The following ARHGAP22 variants were observed in gnomAD, a reference collection of about 807,000 sequenced individuals.
The protein encoded by ARHGAP22 is Rho GTPase activating protein 22.
ARHGAP22 carries 48 observed loss-of-function variants against 59.1 expected under a neutral mutation model. The ratio of observed to expected loss-of-function variants is 0.81; its 90% CI spans 0.64 to 1.03. The LOEUF is 1.03. Among genes scored for constraint, ARHGAP22 ranks in the 50% least tolerant of loss-of-function variants. The probability of loss-of-function intolerance (pLI) is 0.00; values close to 1 mark genes in which losing one functional copy is unlikely to be tolerated. For synonymous variants in ARHGAP22, 445 were observed against 416.4 expected (o/e 1.07, Z -0.84); for missense variants, 1,015 against 958.7 (o/e 1.06, Z -0.78).
chr10:48,555,676 G>A (rs1213893359), intron 2 of ARHGAP22, 126 bp from the exon 3 acceptor site: 2 of 826,508 alleles, frequency 2.4e-6, no homozygotes, highest in East Asian at 2.6e-5. Context: ...GGAAGGCTGG[G>A]CCTCAGAGAG....
In ARHGAP22 at chr10:48,530,236, C is replaced by CAAAAAAA. The variant is rs60902650; in HGVS notation, c.322+25220_322+25226dup. Among the ~76,000 whole-genome samples, 35 of 49,036 alleles carry CAAAAAAA rather than the reference C, an allele frequency of 7.1e-4. 1 individual carries two copies. Among genetic ancestry groups the CAAAAAAA allele is most frequent in the Middle Eastern group, 0.02 (1 of 50 alleles). 32.2% of individuals were successfully genotyped at this position (49,036 alleles called of 152,430 possible). A position where few individuals can be genotyped will look rare whatever the true frequency, so the allele number is the denominator to read the frequency against. ...TGGGAGGCAGAGTGAGACTCCATTG[C>CAAAAAAA]AAAAAAAAAAAAAAAAAAAAAAAAA... On this transcript the variant is annotated intron_variant, in intron 3 of 9. Coordinates refer to ENST00000249601, the MANE Select transcript of ARHGAP22 (RefSeq NM_021226.4).
Position 48,577,933 on chromosome 10 carries a change from C to T in ARHGAP22, c.234+5020G>A, listed in dbSNP as rs573105747. 4.7e-5 allele frequency among the ~76,000 whole-genome samples: 7 copies of T among 150,002 alleles called. No homozygotes were observed. The South Asian group carries it at 8.5e-4, about 18-fold the overall frequency. ...AAGCAAGTCTCCTGTCTCAGCCTCC[C>T]GAGTAGCTGGGATTACAGGCATGTG... On this transcript the variant is annotated intron_variant, in intron 2 of 9. Coordinates refer to ENST00000249601, the MANE Select transcript of ARHGAP22 (RefSeq NM_021226.4).
At chr10:48,503,719 C>G (rs1044566048) in intron 3 of ARHGAP22, among the ~76,000 whole-genome samples, 5 of 152,236 alleles carry the variant, frequency 3.3e-5, no homozygotes, top group Admixed American at 3.3e-4. Context: ...ATCGATGTCC[C>G]CTCCTCAGCC....
chr10:48,539,202 AG>A (rs2055668415), intron 3 of ARHGAP22, among the ~76,000 whole-genome samples: 1 of 151,676 alleles, frequency 6.6e-6, no homozygotes, highest in Non-Finnish European at 1.5e-5. Context: ...TATTATTAGA[AG>A]TTTCTTTATC....
intron 1 of ARHGAP22, among the ~76,000 whole-genome samples, chr10:48,598,512 ATC>A (rs2060200885): frequency 6.6e-6 from 1 of 152,032 alleles, no homozygotes; most frequent in Non-Finnish European, 1.5e-5. Context: ...CTCTCCATAG[ATC>A]TGTTTCAACA....
intron 3 of ARHGAP22, among the ~76,000 whole-genome samples, chr10:48,495,090 T>C (rs1242519132): frequency 6.6e-6 from 1 of 152,242 alleles, no homozygotes; most frequent in African/African-American, 2.4e-5. Flanking sequence ...CATACGTGTT[T>C]ACTGCCTGTC....
chr10:48,646,393 G>T (rs1447760800), intron 1 of ARHGAP22, among the ~76,000 whole-genome samples: 1 of 152,134 alleles, frequency 6.6e-6, no homozygotes, highest in African/African-American at 2.4e-5. Context: ...AAATAATTTT[G>T]TAAAAGAATA....
chr10:48,491,695 G>A (rs961694273), intron 3 of ARHGAP22, among the ~76,000 whole-genome samples: 5 of 152,394 alleles, frequency 3.3e-5, no homozygotes, highest in Non-Finnish European at 7.3e-5. Context: ...AAACCCTCGC[G>A]TAAGGCGGGC....
chr10:48,472,242 G>A (rs1267122254), intron 4 of ARHGAP22, among the ~76,000 whole-genome samples: 4 of 150,804 alleles, frequency 2.7e-5, no homozygotes, highest in South Asian at 2.1e-4. Flanking sequence ...GAGTAACAGC[G>A]GCTGGGTGTG....
chr10:48,478,103 A>G (rs2048915385), intron 4 of ARHGAP22, among the ~76,000 whole-genome samples: 1 of 152,188 alleles, frequency 6.6e-6, no homozygotes. Context: ...TCATACATCA[A>G]AGTCCAACTA....
intron 1 of ARHGAP22, among the ~76,000 whole-genome samples, chr10:48,595,952 C>G (rs1475293717): frequency 6.6e-6 from 1 of 152,312 alleles, no homozygotes; most frequent in East Asian, 1.9e-4. Context: ...ATAAGGTGCA[C>G]AGCCTATCCA....
At chr10:48,444,052 C>T (rs1192837622), downstream of ARHGAP22, 2 of 152,138 alleles carry the variant, frequency 1.3e-5, no homozygotes, top group Non-Finnish European at 1.5e-5. Context: ...CAGATTCTTC[C>T]CATTTCTCGC....
intron 2 of ARHGAP22, among the ~76,000 whole-genome samples, chr10:48,555,891 G>C (rs1298982673): frequency 6.6e-6 from 1 of 152,230 alleles, no homozygotes; most frequent in East Asian, 1.9e-4. Context: ...AGGGTTTCAG[G>C]CTGGACAGGG....
At chr10:48,502,462 C>T (rs2051623978) in intron 3 of ARHGAP22, among the ~76,000 whole-genome samples, 2 of 152,204 alleles carry the variant, frequency 1.3e-5, no homozygotes, top group Admixed American at 6.5e-5. Flanking sequence ...CAGGACACGT[C>T]CCAGTTTGCT....
At chr10:48,606,939 C>A (rs541835574), upstream of ARHGAP22, among the ~76,000 whole-genome samples, 2 of 152,318 alleles carry the variant, frequency 1.3e-5, no homozygotes, top group East Asian at 3.9e-4. Context: ...ATCCAAGAAA[C>A]ACCACTGAAT....
intron 4 of ARHGAP22, among the ~76,000 whole-genome samples, chr10:48,463,803 T>C (rs2047387681): frequency 6.6e-6 from 1 of 152,188 alleles, no homozygotes; most frequent in African/African-American, 2.4e-5. Context: ...AGCCACATGC[T>C]GGGCTTGCAG....
intron 1 of ARHGAP22, among the ~76,000 whole-genome samples, chr10:48,614,188 C>G (rs539370037): frequency 6.6e-6 from 1 of 152,204 alleles, no homozygotes; most frequent in Non-Finnish European, 1.5e-5. Context: ...GGAGAAAACC[C>G]TGGGGAATAT....
At chr10:48,472,731 T>A (rs1399936493) in intron 4 of ARHGAP22, among the ~76,000 whole-genome samples, 1 of 151,934 alleles carries the variant, frequency 6.6e-6, no homozygotes, top group African/African-American at 2.4e-5. Flanking sequence ...ACACTTCCAC[T>A]AGATGTCCCC....
chr10:48,490,732 G>A (rs974577229), intron 3 of ARHGAP22, among the ~76,000 whole-genome samples: 4 of 152,106 alleles, frequency 2.6e-5, no homozygotes, highest in South Asian at 2.1e-4. Context: ...GGGCCCATCC[G>A]TTCTCAGGCG....
Sources: allele counts gnomAD v4.1 joint callset (sites outside exome capture counted in the v4.1 genomes callset), GRCh38; gene constraint gnomAD v4.1.1; transcripts MANE v1.5; gene names NCBI Gene and HGNC (gene_info 2026-07-23, HGNC 2026-07-21).